Variants in SGCZ observed in about 807,000 individuals in gnomAD.
SGCZ encodes the protein zeta-sarcoglycan.
In SGCZ, 40 loss-of-function variants were observed where a neutral mutation model predicts 41.3. The observed-to-expected ratio is 0.97, with a 90% CI of 0.75 to 1.26. The LOEUF is 1.26. Among genes scored for constraint, SGCZ ranks in the 50% most tolerant of loss-of-function variants. SGCZ has a pLI of 0.00. For missense variants in SGCZ, 552 were observed against 369.8 expected, an observed-to-expected ratio of 1.49 and a Z score of -4.04; for synonymous variants, 206 against 137.5, an observed-to-expected ratio of 1.50 and a Z score of -3.49.
chr8:14,451,303 G>A (rs139684722), intron 2 of SGCZ, among the ~76,000 whole-genome samples: 201 of 152,172 alleles, frequency 1.3e-3, no homozygotes, highest in African/African-American at 4.4e-3. Context: ...TATCATGAAG[G>A]TTCAGTGATC....
chr8:14,280,525 A>G (rs1800387218), intron 3 of SGCZ, among the ~76,000 whole-genome samples: 1 of 151,894 alleles, frequency 6.6e-6, no homozygotes, highest in Admixed American at 6.6e-5. Flanking sequence ...TATGACTCAA[A>G]GAAGATATTA....
intron 3 of SGCZ, among the ~76,000 whole-genome samples, chr8:14,241,756 T>C (rs1372147706): frequency 6.6e-6 from 1 of 152,272 alleles, no homozygotes; most frequent in South Asian, 2.1e-4. Flanking sequence ...GACTGTTAAG[T>C]GGGCCTGAGA....
chr8:14,761,501 C>CTAT (rs911409594), intron 1 of SGCZ, among the ~76,000 whole-genome samples: 40 of 149,108 alleles, frequency 2.7e-4, no homozygotes, highest in Admixed American at 1.5e-3. Context: ...GTACATGTTT[C>CTAT]TATTATTATT....
chr8:14,354,404 C>T (rs183454160), intron 2 of SGCZ, among the ~76,000 whole-genome samples: 4 of 151,640 alleles, frequency 2.6e-5, no homozygotes, highest in Non-Finnish European at 5.9e-5. Context: ...GATACCACTT[C>T]GATGTGAATA....
intron 1 of SGCZ, among the ~76,000 whole-genome samples, chr8:14,866,401 G>C (rs115961662): frequency 0.024 from 3,603 of 152,064 alleles, 52 homozygotes; most frequent in Middle Eastern, 0.048. Flanking sequence ...GAGACTCTGA[G>C]AACAAGCACA....
At chr8:15,120,441 T>C (rs1807362787) in intron 1 of SGCZ, among the ~76,000 whole-genome samples, 3 of 152,222 alleles carry the variant, frequency 2.0e-5, no homozygotes, top group Non-Finnish European at 4.4e-5. Context: ...ACTAGATTTA[T>C]TGGTTAATTT....
intron 1 of SGCZ, among the ~76,000 whole-genome samples, chr8:14,594,752 T>C (rs1051205368): frequency 6.6e-6 from 1 of 151,946 alleles, no homozygotes; most frequent in Non-Finnish European, 1.5e-5. Context: ...TGTGCTTGTG[T>C]GTGTAAATAC....
chr8:14,615,414 C>A (rs1806068628), intron 1 of SGCZ, among the ~76,000 whole-genome samples: 1 of 152,226 alleles, frequency 6.6e-6, no homozygotes, highest in African/African-American at 2.4e-5. Context: ...GCTCTCACTG[C>A]TGGGTGGAGC....
chr8:14,972,891 TA>T (rs566495053), intron 1 of SGCZ, among the ~76,000 whole-genome samples: 1 of 152,336 alleles, frequency 6.6e-6, no homozygotes, highest in South Asian at 2.1e-4. Flanking sequence ...GAAATTTGGC[TA>T]AAAAATCTTA....
intron 1 of SGCZ, among the ~76,000 whole-genome samples, chr8:15,202,392 C>T (rs1800917519): frequency 6.6e-6 from 1 of 152,158 alleles, no homozygotes; most frequent in South Asian, 2.1e-4. Flanking sequence ...AATAAGGTAA[C>T]TCAGGAATGG....
chr8:14,103,495 A>C (rs1802099981), intron 6 of SGCZ, among the ~76,000 whole-genome samples: 1 of 152,138 alleles, frequency 6.6e-6, no homozygotes, highest in Non-Finnish European at 1.5e-5. Context: ...TTTCTGAGGC[A>C]ATGAATTCAG....
At chr8:14,530,639 A>G (rs1341760146) in intron 2 of SGCZ, among the ~76,000 whole-genome samples, 1 of 151,676 alleles carries the variant, frequency 6.6e-6, no homozygotes, top group East Asian at 2.0e-4. Context: ...TGAATCATCA[A>G]AAACCAGTTA....
chr8:14,230,624 C>T (rs1806529338), intron 4 of SGCZ, among the ~76,000 whole-genome samples: 1 of 152,042 alleles, frequency 6.6e-6, no homozygotes. Flanking sequence ...AAATACTCTC[C>T]ATGACATTTT....
chr8:15,198,843 A>G (rs919050351), intron 1 of SGCZ, among the ~76,000 whole-genome samples: 4 of 152,084 alleles, frequency 2.6e-5, no homozygotes, highest in Admixed American at 6.6e-5. Flanking sequence ...CTTATTTTTT[A>G]CCTTCCTGCG....
rs576208386 is a variant in SGCZ, at chr8:14,569,602, T to C, written c.40-14676A>G. Among the ~76,000 whole-genome samples the C allele has an allele frequency of 3.3e-5, 5 of 152,302 alleles. No individual in the cohort carries two copies. The East Asian group carries it at 7.7e-4, about 24-fold the overall frequency. ...CTGTCATCATGGGGTCTACATTCTC[T>C]TGATGGACACAGACAGTGAAGAAAA... On this transcript the variant is annotated intron_variant, in intron 1 of 7. Transcript: ENST00000382080.
chr8:14,587,781 CAA>C (rs1376365171), intron 1 of SGCZ, among the ~76,000 whole-genome samples: 2 of 152,060 alleles, frequency 1.3e-5, no homozygotes, highest in African/African-American at 4.8e-5. Context: ...ATGAGACTTA[CAA>C]AAAGTCTTCT....
At chr8:14,935,656 G>T (rs1800060289) in intron 1 of SGCZ, among the ~76,000 whole-genome samples, 2 of 150,832 alleles carry the variant, frequency 1.3e-5, no homozygotes, top group Admixed American at 1.3e-4. Context: ...TAGTAAATGG[G>T]GAAAATAAAA....
intron 1 of SGCZ, among the ~76,000 whole-genome samples, chr8:14,937,286 T>G (rs1800114625): frequency 6.6e-6 from 1 of 151,964 alleles, no homozygotes; most frequent in Non-Finnish European, 1.5e-5. Context: ...ACAACTTAAA[T>G]AAAATATTTC....
chr8:14,126,462 A>T (rs925535087), intron 5 of SGCZ, among the ~76,000 whole-genome samples: 1 of 71,866 alleles, frequency 1.4e-5, no homozygotes, highest in Non-Finnish European at 2.6e-5. Flanking sequence ...GCTATTATTA[A>T]AAAGTAAAAA....
Sources: allele counts gnomAD v4.1 joint callset (sites outside exome capture counted in the v4.1 genomes callset), GRCh38; gene constraint gnomAD v4.1.1; transcripts MANE v1.5; gene names NCBI Gene and HGNC (gene_info 2026-07-23, HGNC 2026-07-21).